The following CC2D2A variants were observed in gnomAD, a reference collection of about 807,000 sequenced individuals.
The protein encoded by CC2D2A is coiled-coil and C2 domain-containing protein 2A.
Under a neutral mutation model 212.9 loss-of-function variants are expected in CC2D2A, and 155 were observed. That is an observed-to-expected ratio of 0.73 (90% confidence interval 0.64 to 0.83). The LOEUF is 0.83. Among genes scored for constraint, CC2D2A ranks in the 40% least tolerant of loss-of-function variants. The pLI is 0.00. For synonymous variants in CC2D2A, 667 were observed against 686.5 expected (o/e 0.97, Z 0.44); for missense variants, 1,856 against 1,956.2 (o/e 0.95, Z 0.97).
intron 16 of CC2D2A, among the ~76,000 whole-genome samples, chr4:15,539,656 A>C (rs1577359514): frequency 6.6e-6 from 1 of 152,208 alleles, no homozygotes; most frequent in Admixed American, 6.5e-5. Context: ...ATTCCCCTGC[A>C]CTAAGTAAGC....
In CC2D2A at chr4:15,587,806, T is replaced by C; in HGVS notation, c.4066-10T>C. Reference sequence around the variant, plus strand: ...AGTCATACAACATAATTTTTTTTTCTTTTTGTCAGCAATTTCTTGATCTCC... The same window carrying C: ...AGTCATACAACATAATTTTTTTTTCCTTTTGTCAGCAATTTCTTGATCTCC... On this transcript the variant is annotated splice_polypyrimidine_tract_variant and intron_variant, in intron 31 of 36. Transcript: ENST00000424120. The C allele has an allele frequency of 6.5e-7, 1 of 1,541,144 alleles. No homozygotes were observed. The highest frequency in any genetic ancestry group is 9.0e-7 in the Non-Finnish European group (1 of 1,114,736).
chr4:15,576,479 C>A (rs1720413930), intron 29 of CC2D2A: 1 of 388,804 alleles, frequency 2.6e-6, no homozygotes, highest in Non-Finnish European at 3.5e-6. Flanking sequence ...TGGGTAGAAA[C>A]TCCTGAAACT....
intron 24 of CC2D2A, chr4:15,563,732 C>T (rs1719731548): frequency 5.3e-6 from 3 of 565,350 alleles, no homozygotes; most frequent in Non-Finnish European, 9.4e-6. Flanking sequence ...AAGAACATCT[C>T]AAATAACTCG....
At chr4:15,506,869 C>A in intron 6 of CC2D2A, among the ~76,000 whole-genome samples, 1 of 151,480 alleles carries the variant, frequency 6.6e-6, no homozygotes, top group East Asian at 1.9e-4. Flanking sequence ...GTCAGGAGTT[C>A]GAGACCAGTC....
At chr4:15,525,523 G>GA (rs939453179) in intron 11 of CC2D2A, among the ~76,000 whole-genome samples, 26 of 148,406 alleles carry the variant, frequency 1.8e-4, no homozygotes, top group African/African-American at 3.4e-4. Context: ...GAATGAAAGA[G>GA]AAAAAAAAAA....
intron 18 of CC2D2A, among the ~76,000 whole-genome samples, 176 bp from the exon 19 acceptor site, chr4:15,552,982 G>A (rs1719084512): frequency 6.6e-6 from 1 of 152,202 alleles, no homozygotes; most frequent in African/African-American, 2.4e-5. Context: ...ACAGAGCTGA[G>A]CAGCTGTCAG....
intron 2 of CC2D2A, among the ~76,000 whole-genome samples, chr4:15,477,634 G>A (rs565953597): frequency 8.7e-4 from 132 of 152,214 alleles, no homozygotes; most frequent in Non-Finnish European, 1.5e-3. Context: ...CTAAGTTGGC[G>A]AATCCCCTGA....
In CC2D2A at chr4:15,599,645, AAGG is replaced by A. The variant is rs1267184899; in HGVS notation, c.4616_4618del (p.Gly1539del). ...TTCTTGCCTCTGTTAGAAAAAAGTCAAGGAGAAGATGTAGAAGATGACCACAGA... is the reference window on the plus strand; with the variant it reads ...TTCTTGCCTCTGTTAGAAAAAAGTCAAGAAGATGTAGAAGATGACCACAGA... On this transcript the variant is annotated inframe_deletion, in exon 36 of 37. Coordinates refer to ENST00000424120, the MANE Select transcript of CC2D2A (RefSeq NM_001378615.1). 10 of 1,613,568 alleles carry A rather than the reference AAGG, an allele frequency of 6.2e-6. No individual in the cohort carries two copies. Among genetic ancestry groups the A allele is most frequent in the Non-Finnish European group, 8.5e-6 (10 of 1,179,648 alleles).
intron 4 of CC2D2A, among the ~76,000 whole-genome samples, chr4:15,490,059 G>A (rs1715213012): frequency 6.6e-6 from 1 of 152,076 alleles, no homozygotes; most frequent in Admixed American, 6.6e-5. Flanking sequence ...CTCCAGCGTG[G>A]ACTTCTTCCA....
intron 3 of CC2D2A, chr4:15,479,422 C>T (rs1714474576): frequency 1.9e-6 from 2 of 1,035,822 alleles, no homozygotes; most frequent in African/African-American, 3.2e-5. Flanking sequence ...AAGATGCCAG[C>T]AGGGGAGGGA....
intron 6 of CC2D2A, 43 bp from the exon 7 acceptor site, chr4:15,510,096 T>A (rs1437013300): frequency 6.8e-7 from 1 of 1,466,642 alleles, no homozygotes; most frequent in Non-Finnish European, 9.5e-7. Context: ...CCTAAGTTTC[T>A]TGGGTTAAAT....
At chr4:15,491,589 G>A (rs944663289) in intron 4 of CC2D2A, among the ~76,000 whole-genome samples, 2 of 152,094 alleles carry the variant, frequency 1.3e-5, no homozygotes, top group Non-Finnish European at 2.9e-5. Context: ...ATTTTTAGTA[G>A]AGACAGGGTT....
At chr4:15,564,276 G>C (rs1719774816) in intron 24 of CC2D2A, 1 of 152,462 alleles carries the variant, frequency 6.6e-6, no homozygotes, top group African/African-American at 2.4e-5. Flanking sequence ...TGTTGCCCAG[G>C]CTGGTCTGGA....
intron 14 of CC2D2A, among the ~76,000 whole-genome samples, chr4:15,534,784 G>A (rs1290930688): frequency 6.6e-6 from 1 of 151,998 alleles, no homozygotes; most frequent in Non-Finnish European, 1.5e-5. Context: ...TAGTTTTCAG[G>A]ACAAGTATAA....
chr4:15,572,692 T>G (rs756993111), intron 28 of CC2D2A, among the ~76,000 whole-genome samples: 7 of 151,780 alleles, frequency 4.6e-5, no homozygotes, highest in Non-Finnish European at 8.8e-5. Flanking sequence ...AGGATAGATA[T>G]ATATATATGA....
chr4:15,489,634 C>T (rs1342360779), intron 4 of CC2D2A, among the ~76,000 whole-genome samples: 1 of 152,204 alleles, frequency 6.6e-6, no homozygotes, highest in East Asian at 1.9e-4. Flanking sequence ...CTTTCAAACT[C>T]ATTTTCTCTC....
At chr4:15,486,481 T>C (rs984565848) in intron 4 of CC2D2A, among the ~76,000 whole-genome samples, 1 of 152,188 alleles carries the variant, frequency 6.6e-6, no homozygotes, top group African/African-American at 2.4e-5. Context: ...AATAATCCTT[T>C]GATTTTCTGT....
In CC2D2A at chr4:15,588,043, G is replaced by A. The variant is rs914210956; in HGVS notation, c.4179+114G>A. ...AACGATCCTTTGGGTTGCTAGGAAA[G>A]TGGCCCACAGATGCCGTAACGGGCA... On this transcript the variant is annotated intron_variant, in intron 32 of 36. Transcript: ENST00000424120. 1.7e-5 allele frequency: 10 copies of A among 593,076 alleles called. No individual in the cohort carries two copies. The African/African-American group carries it at 1.9e-4, about 11-fold the overall frequency. 36.7% of individuals were successfully genotyped at this position (593,076 alleles called of 1,614,324 possible).
intron 17 of CC2D2A, chr4:15,543,775 C>T (rs1718577507): frequency 6.6e-6 from 1 of 152,406 alleles, no homozygotes; most frequent in Non-Finnish European, 1.5e-5. Flanking sequence ...CTTCCTCTGT[C>T]CTCTTAGCAG....
Sources: allele counts gnomAD v4.1 joint callset (sites outside exome capture counted in the v4.1 genomes callset), GRCh38; gene constraint gnomAD v4.1.1; transcripts MANE v1.5; gene names NCBI Gene and HGNC (gene_info 2026-07-23, HGNC 2026-07-21).